Variants in ATM observed in about 807,000 individuals in gnomAD.
ATM encodes serine-protein kinase ATM.
A neutral mutation model predicts 387.0 loss-of-function variants in ATM; 308 were observed. That is an observed-to-expected ratio of 0.80 (90% CI 0.73 to 0.87). The LOEUF is 0.87. Among genes scored for constraint, ATM ranks in the 40% least tolerant of loss-of-function variants. The pLI, the probability that ATM is intolerant of heterozygous loss-of-function variation, is 0.00. For synonymous variants in ATM, 1,156 were observed against 1,187.3 expected (o/e 0.97, Z 0.54); for missense variants, 3,312 against 3,560.9 (o/e 0.93, Z 1.78).
chr11:108,319,524 C>G (rs1045748069), intron 43 of ATM, among the ~76,000 whole-genome samples: 1 of 152,168 alleles, frequency 6.6e-6, no homozygotes, highest in South Asian at 2.1e-4. Flanking sequence ...TAATAGCCAT[C>G]TAGCCATTTT....
At chr11:108,253,776 T>C in intron 12 of ATM, 38 bp from the exon 13 acceptor site, 1 of 1,497,846 alleles carries the variant, frequency 6.7e-7, no homozygotes, top group Non-Finnish European at 9.3e-7. Context: ...AAGCATTAGG[T>C]ACTTGGTTTA....
rs1060501546 is a variant in ATM, at chr11:108,267,189, C to A, written c.2485C>A (p.Pro829Thr). The change falls in exon 17 of 63, where the codon CCA becomes ACA. Residue 829 changes from proline to threonine, a missense_variant. Transcript: ENST00000675843. ...CTTGAAGGCATCCTTCATCAAAAAG[C>A]CATTTGACCGTGGAGAAGTAGAATC... is the stretch of plus-strand genomic sequence containing the variant. The part of the protein sequence containing the change: ...CKSLASFIKK[P>T]FDRGEVESME... The A allele has an allele frequency of 1.9e-6, 3 of 1,613,986 alleles. No homozygotes were observed. The East Asian group carries it at 6.7e-5, about 36-fold the overall frequency.
chr11:108,260,872 G>C (rs879677063), intron 16 of ATM, among the ~76,000 whole-genome samples: 1 of 152,216 alleles, frequency 6.6e-6, no homozygotes, highest in African/African-American at 2.4e-5. Context: ...TCAAAGAAAG[G>C]GGGGACGGAC....
chr11:108,298,289 A>G (rs2083231123), intron 33 of ATM, among the ~76,000 whole-genome samples: 2 of 152,236 alleles, frequency 1.3e-5, no homozygotes, highest in South Asian at 4.1e-4. Context: ...TCTTTCTTCA[A>G]CAGCCTTAAC....
intron 37 of ATM, among the ~76,000 whole-genome samples, chr11:108,306,704 A>T (rs2083713769): frequency 6.6e-6 from 1 of 152,242 alleles, no homozygotes; most frequent in Non-Finnish European, 1.5e-5. Flanking sequence ...TGTAAAATTT[A>T]AATGGTGTAT....
intron 13 of ATM, among the ~76,000 whole-genome samples, 194 bp downstream of exon 13, chr11:108,254,233 A>C (rs756171679): frequency 6.6e-6 from 1 of 152,228 alleles, no homozygotes; most frequent in African/African-American, 2.4e-5. Context: ...TAATTTGAGT[A>C]CTTCCTTTGT....
At chr11:108,364,940 C>G in intron 61 of ATM, 142 bp from the exon 62 acceptor site, 1 of 884,702 alleles carries the variant, frequency 1.1e-6, no homozygotes, top group Non-Finnish European at 1.7e-6. Context: ...CTCAAGGAAA[C>G]ATGAAGTGTG....
rs2136122461 is a variant in ATM at position 108,315,918 on chromosome 11, T to G, written c.6095+7T>G. ...TGTTACAACCCATTACTAGGTAAAT[T>G]GCATTTTTCTAAACAACGGTATAGT... On this transcript the variant is annotated splice_region_variant and intron_variant, in intron 41 of 62. Transcript: ENST00000675843. 1 of 1,609,446 alleles carries G rather than the reference T, an allele frequency of 6.2e-7. No homozygotes were observed. The highest frequency in any genetic ancestry group is 1.1e-5 in the South Asian group (1 of 90,974).
chr11:108,238,613 G>C (rs915022680), intron 5 of ATM, among the ~76,000 whole-genome samples: 5 of 152,040 alleles, frequency 3.3e-5, no homozygotes, highest in African/African-American at 9.7e-5. Flanking sequence ...TTTTTGTATA[G>C]TGACCTTGTA....
Position 108,284,360 on chromosome 11 carries a change from A to C in ATM, c.3880A>C (p.Ile1294Leu), listed in dbSNP as rs1478504213. Residue 1294 changes from isoleucine to leucine, a missense_variant, in exon 26 of 63, where the codon ATT (isoleucine) becomes CTT (leucine). This residue lies in a region of ATM where 1,791 missense variants were observed against 1,804.5 expected (regional missense o/e 0.99). Coordinates refer to ENST00000675843, the MANE Select transcript of ATM (RefSeq NM_000051.4). Reference sequence around the variant, plus strand: ...CTGCTTTCCAAAGATTCTTGTAAATATTCTTCCTTATTTTGCCTATGAGGG... The same window carrying C: ...CTGCTTTCCAAAGATTCTTGTAAATCTTCTTCCTTATTTTGCCTATGAGGG... ...TDCFPKILVNILPYFAYEGTR... is the reference protein window; with the variant it reads ...TDCFPKILVNLLPYFAYEGTR... 1 of 1,614,060 alleles carries C rather than the reference A, an allele frequency of 6.2e-7. No homozygotes were observed. Among genetic ancestry groups the C allele is most frequent in the Admixed American group, 1.7e-5 (1 of 60,022 alleles).
chr11:108,313,496 T>A (rs1679240972), intron 40 of ATM, among the ~76,000 whole-genome samples: 1 of 152,214 alleles, frequency 6.6e-6, no homozygotes, highest in Admixed American at 6.5e-5. Flanking sequence ...GTGGTCACCT[T>A]TCATTCTTCC....
At chr11:108,316,599 C>T (rs774479263) in intron 42 of ATM, among the ~76,000 whole-genome samples, 14 of 151,688 alleles carry the variant, frequency 9.2e-5, no homozygotes, top group East Asian at 3.9e-4. Context: ...AAACATTAAA[C>T]GATATTTTGG....
intron 59 of ATM, among the ~76,000 whole-genome samples, chr11:108,348,793 CCTGT>C (rs1204481504): frequency 3.3e-5 from 5 of 151,126 alleles, no homozygotes; most frequent in Admixed American, 1.3e-4. Context: ...AGAAGAAAAC[CCTGT>C]CTTTTTATTA....
In ATM at chr11:108,267,275, A is replaced by G. The variant is rs1191404395; in HGVS notation, c.2571A>G (p.Leu857=). 2.5e-6 allele frequency: 4 copies of G among 1,614,038 alleles called. No homozygotes were observed. The Admixed American group carries it at 5.0e-5, about 20-fold the overall frequency. Residue 857 remains leucine (L), a synonymous_variant, in exon 17 of 63, where the codon CTA becomes CTG. Transcript: ENST00000675843. ...MEVEDQSSMN[L]FNDYPDSSVS... is the part of the protein sequence containing the mutation. ...TGGAGGATCAGTCATCCATGAATCT[A>G]TTTAACGATTACCCTGATAGTAGTG...
rs145847315 is a variant in ATM, at chr11:108,315,904, A to G, written c.6088A>G (p.Ile2030Val). Residue 2030 changes from isoleucine (I) to valine (V), a missense_variant, in exon 41 of 63, where the codon ATT (isoleucine) becomes GTT (valine). Physicochemically the swap from Ile to Val is conservative, Grantham distance 29 (BLOSUM62 3). Transcript: ENST00000675843. ...TGGTGGAGGGAAGATGTTACAACCC[A>G]TTACTAGGTAAATTGCATTTTTCTA... ...GCGGGKMLQP[I>V]TRLRTYEHEA... 9.1e-4 allele frequency: 1,468 copies of G among 1,611,198 alleles called. 21 individuals are homozygous for G. In the African/African-American group the frequency reaches 0.018, roughly 19 times the overall value.
At chr11:108,341,474 C>T (rs950593763) in intron 56 of ATM, among the ~76,000 whole-genome samples, 14 of 152,198 alleles carry the variant, frequency 9.2e-5, no homozygotes, top group African/African-American at 3.4e-4. Flanking sequence ...CTGCCTTTTT[C>T]CCACTCTGTT....
chr11:108,358,070 C>G (rs1224712661), intron 61 of ATM, among the ~76,000 whole-genome samples: 1 of 148,434 alleles, frequency 6.7e-6, no homozygotes, highest in Non-Finnish European at 1.5e-5. Context: ...GAATGTATAA[C>G]TAGAATAACC....
At chr11:108,268,369 G>T in intron 17 of ATM, 41 bp from the exon 18 acceptor site, 1 of 1,580,658 alleles carries the variant, frequency 6.3e-7, no homozygotes, top group Non-Finnish European at 8.7e-7. Flanking sequence ...TATGGCTGTT[G>T]TGCCCTTCTC....
Position 108,298,675 on chromosome 11 carries a change from C to T in ATM, c.5006-1039C>T, listed in dbSNP as rs890437569. Among the ~76,000 whole-genome samples the T allele has an allele frequency of 5.3e-5, 8 of 152,172 alleles. No individual in the cohort carries two copies. In the East Asian group the frequency reaches 9.6e-4, roughly 18 times the overall value. The stretch of plus-strand genomic sequence containing the variant: ...TTCACTACTGCTGTTCAACAGTGTA[C>T]TGGAAGTTCTAGCCAGAGCAATTAA... On this transcript the variant is annotated intron_variant, in intron 33 of 62. Transcript: ENST00000675843.
Sources: gnomAD v4.1 joint callset for allele counts (sites outside exome capture counted in the v4.1 genomes callset) on GRCh38, gnomAD v4.1.1 for gene constraint, gnomAD v4.1.1 regional missense constraint, MANE v1.5 for transcripts, NCBI Gene and HGNC (gene_info 2026-07-23, HGNC 2026-07-21) for gene names.